Variants in NRG3 observed in about 807,000 individuals in gnomAD.
NRG3 encodes neuregulin 3.
A neutral mutation model predicts 66.9 loss-of-function variants in NRG3; 31 were observed. That is an observed-to-expected ratio of 0.46 (90% CI 0.35 to 0.63). NRG3 has a LOEUF of 0.63. Ranked by LOEUF, NRG3 falls within the 20% of genes least tolerant of loss-of-function variation. NRG3 has a pLI of 0.00. For synonymous variants in NRG3, 393 were observed against 359.4 expected (o/e 1.09, Z -1.06); for missense variants, 910 against 878.9 (o/e 1.04, Z -0.45).
intron 1 of NRG3, among the ~76,000 whole-genome samples, chr10:82,293,249 A>T (rs951635234): frequency 5.9e-5 from 9 of 152,168 alleles, no homozygotes; most frequent in Non-Finnish European, 1.5e-5. Flanking sequence ...AGACGGCAGT[A>T]TAAATACTTG....
At chr10:82,187,365 G>A (rs2073868840) in intron 1 of NRG3, among the ~76,000 whole-genome samples, 2 of 152,200 alleles carry the variant, frequency 1.3e-5, no homozygotes, top group African/African-American at 4.8e-5. Context: ...GGATATTTAT[G>A]TTTACTTATC....
intron 2 of NRG3, among the ~76,000 whole-genome samples, chr10:82,478,013 C>A (rs1360843776): frequency 6.6e-6 from 1 of 152,124 alleles, no homozygotes; most frequent in Non-Finnish European, 1.5e-5. Context: ...CCAATCAAAT[C>A]CCCTCTGGGA....
intron 3 of NRG3, among the ~76,000 whole-genome samples, chr10:82,785,731 G>T (rs1255726561): frequency 6.6e-6 from 1 of 152,100 alleles, no homozygotes; most frequent in Non-Finnish European, 1.5e-5. Flanking sequence ...TAAAATGAGA[G>T]AAGAGAGAAA....
chr10:82,354,014 CTTTT>C (rs869307444), intron 1 of NRG3, among the ~76,000 whole-genome samples: 3 of 112,628 alleles, frequency 2.7e-5, no homozygotes, highest in African/African-American at 7.6e-5. Flanking sequence ...CACTATAACA[CTTTT>C]TTTTTTTTTT....
At chr10:82,873,561 A>C (rs538718123) in intron 4 of NRG3, among the ~76,000 whole-genome samples, 79 of 152,302 alleles carry the variant, frequency 5.2e-4, no homozygotes, top group Non-Finnish European at 9.3e-4. Context: ...ATCACGAAGG[A>C]TTTCTTATCT....
At chr10:82,757,073 G>A (rs77778842) in intron 3 of NRG3, among the ~76,000 whole-genome samples, 28 of 152,140 alleles carry the variant, frequency 1.8e-4, no homozygotes, top group African/African-American at 6.7e-4. Context: ...ATCCGGAGCT[G>A]AAAATAGCGT....
intron 3 of NRG3, among the ~76,000 whole-genome samples, chr10:82,787,958 A>G (rs1362251922): frequency 6.6e-6 from 1 of 152,206 alleles, no homozygotes; most frequent in Non-Finnish European, 1.5e-5. Context: ...CTTATGCCAT[A>G]CAAGCACAGA....
chr10:82,343,964 T>C (rs2082825991), intron 1 of NRG3, among the ~76,000 whole-genome samples: 1 of 152,146 alleles, frequency 6.6e-6, no homozygotes, highest in Non-Finnish European at 1.5e-5. Context: ...GAACATCACA[T>C]CCATACATAC....
intron 2 of NRG3, among the ~76,000 whole-genome samples, chr10:82,672,225 G>C (rs953823893): frequency 6.6e-6 from 1 of 152,172 alleles, no homozygotes; most frequent in Non-Finnish European, 1.5e-5. Context: ...AGTGGGGACA[G>C]AAAGTGCAAA....
At chr10:82,466,794 G>A (rs564028879) in intron 2 of NRG3, among the ~76,000 whole-genome samples, 31 of 152,126 alleles carry the variant, frequency 2.0e-4, no homozygotes, top group Middle Eastern at 6.8e-3. Flanking sequence ...GATGGTCACA[G>A]GAGGAACATG....
chr10:82,562,917 T>C (rs1430554776), intron 2 of NRG3, among the ~76,000 whole-genome samples: 1 of 152,114 alleles, frequency 6.6e-6, no homozygotes, highest in Non-Finnish European at 1.5e-5. Flanking sequence ...CAGTCACGTT[T>C]TAGTGGCCAG....
chr10:82,956,339 A>G (rs1430391399), intron 5 of NRG3, among the ~76,000 whole-genome samples: 2 of 151,800 alleles, frequency 1.3e-5, no homozygotes, highest in Admixed American at 6.6e-5. Flanking sequence ...CTCATGAGAG[A>G]GCTAATGGTA....
chr10:82,713,418 A>G (rs936933312), intron 2 of NRG3, among the ~76,000 whole-genome samples: 4 of 152,170 alleles, frequency 2.6e-5, no homozygotes, highest in African/African-American at 9.7e-5. Context: ...CAGTATGGTT[A>G]AAGGTAGACC....
chr10:82,572,682 C>G (rs538614555), intron 2 of NRG3, among the ~76,000 whole-genome samples: 2 of 151,110 alleles, frequency 1.3e-5, no homozygotes, highest in East Asian at 3.9e-4. Flanking sequence ...TCTACTTTCC[C>G]AGAAATTCTG....
At position 82,111,442 on chromosome 10, in the gene NRG3, G is replaced by T. The variant is rs1265668168; in HGVS notation, c.823+235279G>T. 3.9e-5 allele frequency among the ~76,000 whole-genome samples: 6 copies of T among 152,054 alleles called. No individual in the cohort carries two copies. In the South Asian group the frequency reaches 6.2e-4, roughly 16 times the overall value. On this transcript the variant is annotated intron_variant, in intron 1 of 8. Coordinates refer to ENST00000372141, the MANE Select transcript of NRG3 (RefSeq NM_001010848.4). Reference sequence around the variant, plus strand: ...ATACAAACACGACCGAGTGCTTTGGGCTCTGCTTTCAGTGTCATAGCATTT... The same window carrying T: ...ATACAAACACGACCGAGTGCTTTGGTCTCTGCTTTCAGTGTCATAGCATTT...
intron 2 of NRG3, among the ~76,000 whole-genome samples, chr10:82,492,144 T>A (rs1305852260): frequency 6.6e-6 from 1 of 152,196 alleles, no homozygotes; most frequent in East Asian, 1.9e-4. Flanking sequence ...AAACTCTATT[T>A]GTCCATCACT....
chr10:82,446,415 G>C (rs2136507764), intron 2 of NRG3, among the ~76,000 whole-genome samples: 1 of 152,256 alleles, frequency 6.6e-6, no homozygotes, highest in Non-Finnish European at 1.5e-5. Context: ...ACTGGATAAA[G>C]AAAATGTGGT....
intron 3 of NRG3, among the ~76,000 whole-genome samples, chr10:82,835,179 T>C (rs1366173330): frequency 6.6e-6 from 1 of 152,120 alleles, no homozygotes; most frequent in Non-Finnish European, 1.5e-5. Context: ...CAAAGTATGG[T>C]CCTGATAAAA....
chr10:82,254,485 AC>A (rs2077622876), intron 1 of NRG3, among the ~76,000 whole-genome samples: 1 of 152,186 alleles, frequency 6.6e-6, no homozygotes, highest in African/African-American at 2.4e-5. Flanking sequence ...CAGTGAGCAC[AC>A]CCAGTGCCCA....
Sources: gnomAD v4.1 joint callset for allele counts (sites outside exome capture counted in the v4.1 genomes callset) on GRCh38, gnomAD v4.1.1 for gene constraint, MANE v1.5 for transcripts, NCBI Gene and HGNC (gene_info 2026-07-23, HGNC 2026-07-21) for gene names.